Variants in DMRT1 observed in about 807,000 individuals in gnomAD.
DMRT1 encodes the protein doublesex and mab-3 related transcription factor 1, also known as doublesex- and mab-3-related transcription factor 1.
In DMRT1, 7 loss-of-function variants were observed where a neutral mutation model predicts 32.3. That is an observed-to-expected ratio of 0.22 (90% CI 0.12 to 0.41). The LOEUF (loss-of-function observed/expected upper bound fraction) is 0.41. Ranked by LOEUF, DMRT1 falls within the 10% of genes least tolerant of loss-of-function variation. The pLI is 1.00. For missense variants in DMRT1, 625 were observed against 500.5 expected (o/e 1.25, Z -2.37); for synonymous variants, 278 against 206.1 (o/e 1.35, Z -2.99).
chr9:916,722 C>A (rs745444841), intron 3 of DMRT1, 41 bp from the exon 4 acceptor site: 2 of 1,609,742 alleles, frequency 1.2e-6, no homozygotes, highest in East Asian at 2.2e-5. Context: ...TTGTGACATG[C>A]AATGTTGATC....
At chr9:901,619 G>A (rs771604947) in intron 3 of DMRT1, among the ~76,000 whole-genome samples, 33 of 152,052 alleles carry the variant, frequency 2.2e-4, no homozygotes, top group African/African-American at 3.9e-4. Context: ...GAGCCACCGC[G>A]CCCGGCTGCC....
In DMRT1 at chr9:841,715, G is replaced by C; in HGVS notation, c.-124G>C. 1.3e-6 allele frequency: 2 copies of C among 1,539,684 alleles called. No homozygotes were observed. The highest frequency in any genetic ancestry group is 1.7e-6 in the Non-Finnish European group (2 of 1,143,654). On this transcript the variant is annotated 5_prime_UTR_variant, in exon 1 of 5. Transcript: ENST00000382276. ...CCTCGCCACTCCAGCTGCGCCTCCG[G>C]CTGCAGCGCACACGTCTCCTGCGCC...
intron 4 of DMRT1, among the ~76,000 whole-genome samples, chr9:925,217 C>T (rs1013890070): frequency 3.3e-5 from 5 of 152,140 alleles, no homozygotes; most frequent in Non-Finnish European, 7.3e-5. Flanking sequence ...GATGGTTTGT[C>T]ATTTCTTAAA....
At chr9:944,780 A>G (rs979345249) in intron 4 of DMRT1, among the ~76,000 whole-genome samples, 3 of 152,216 alleles carry the variant, frequency 2.0e-5, no homozygotes, top group African/African-American at 7.2e-5. Flanking sequence ...TCAAATGCTT[A>G]TAATAAAAGG....
intron 3 of DMRT1, among the ~76,000 whole-genome samples, chr9:904,989 A>C (rs1266218991): frequency 1.3e-5 from 2 of 151,220 alleles, no homozygotes; most frequent in Non-Finnish European, 2.9e-5. Flanking sequence ...TCCTGTTTCG[A>C]TCAGAGCCCG....
intron 4 of DMRT1, among the ~76,000 whole-genome samples, chr9:953,580 G>A (rs145866058): frequency 2.5e-4 from 38 of 152,312 alleles, no homozygotes; most frequent in African/African-American, 8.2e-4. Flanking sequence ...CATTCTTGAG[G>A]TTTTGGATTC....
At chr9:937,916 A>G (rs1818939958) in intron 4 of DMRT1, among the ~76,000 whole-genome samples, 2 of 151,942 alleles carry the variant, frequency 1.3e-5, no homozygotes, top group African/African-American at 2.4e-5. Flanking sequence ...TTAAGAAACC[A>G]TTGTCAAATC....
intron 2 of DMRT1, among the ~76,000 whole-genome samples, chr9:873,309 C>T (rs1816352992): frequency 7.2e-6 from 1 of 139,790 alleles, no homozygotes; most frequent in African/African-American, 2.6e-5. Flanking sequence ...TTTCTATAAG[C>T]ATTTTTTTTT....
At chr9:908,744 A>G (rs1249822568) in intron 3 of DMRT1, among the ~76,000 whole-genome samples, 5 of 152,042 alleles carry the variant, frequency 3.3e-5, no homozygotes, top group Non-Finnish European at 7.4e-5. Flanking sequence ...TTTGCAACTT[A>G]AAACATCTTA....
chr9:873,245 GC>G (rs1429551683), intron 2 of DMRT1, among the ~76,000 whole-genome samples: 1 of 151,832 alleles, frequency 6.6e-6, no homozygotes, highest in Non-Finnish European at 1.5e-5. Context: ...CAAGTCCTTT[GC>G]CCATTTGTAA....
At chr9:936,105 T>TCTATGAGAAGAAAGTG (rs1818877566) in intron 4 of DMRT1, among the ~76,000 whole-genome samples, 2 of 152,350 alleles carry the variant, frequency 1.3e-5, no homozygotes, top group Non-Finnish European at 2.9e-5. Flanking sequence ...CCCAGTCATT[T>TCTATGAGAAGAAAGTG]CTATGAGAAG....
At chr9:940,560 C>T (rs968907952) in intron 4 of DMRT1, among the ~76,000 whole-genome samples, 2 of 151,956 alleles carry the variant, frequency 1.3e-5, no homozygotes, top group East Asian at 3.9e-4. Flanking sequence ...CAAAATGGAT[C>T]AAAGACCTAA....
intron 2 of DMRT1, among the ~76,000 whole-genome samples, chr9:885,119 G>A (rs1383230982): frequency 2.0e-5 from 3 of 152,224 alleles, no homozygotes; most frequent in Non-Finnish European, 1.5e-5. Flanking sequence ...CAAGCCTCTA[G>A]GGGAGCATAC....
chr9:859,798 A>T (rs1391166106), intron 2 of DMRT1, among the ~76,000 whole-genome samples: 1 of 152,232 alleles, frequency 6.6e-6, no homozygotes, highest in African/African-American at 2.4e-5. Context: ...AATAGCTGGC[A>T]AGTTGTGAAA....
chr9:966,681 T>C (rs559272111), intron 4 of DMRT1, among the ~76,000 whole-genome samples: 2 of 152,332 alleles, frequency 1.3e-5, no homozygotes, highest in Non-Finnish European at 2.9e-5. Flanking sequence ...TATTTCTGTG[T>C]GGTTCCACTA....
chr9:898,254 G>T (rs569241987), intron 3 of DMRT1, among the ~76,000 whole-genome samples: 1 of 151,876 alleles, frequency 6.6e-6, no homozygotes, highest in African/African-American at 2.4e-5. Context: ...CAAGTAGCTG[G>T]GATTACAGGC....
chr9:910,391 A>C (rs60884862), intron 3 of DMRT1, among the ~76,000 whole-genome samples: 5,603 of 152,176 alleles, frequency 0.037, 229 homozygotes, highest in African/African-American at 0.099. Context: ...TGTTTAGTAA[A>C]CAACTAGATG....
chr9:943,265 C>T (rs1368246150), intron 4 of DMRT1, among the ~76,000 whole-genome samples: 1 of 152,234 alleles, frequency 6.6e-6, no homozygotes, highest in Non-Finnish European at 1.5e-5. Context: ...TATTTACCTT[C>T]CCATCGGCCC....
intron 4 of DMRT1, among the ~76,000 whole-genome samples, chr9:933,015 C>T (rs558152947): frequency 2.6e-4 from 39 of 152,028 alleles, no homozygotes; most frequent in African/African-American, 8.4e-4. Flanking sequence ...CGGGTTCAAA[C>T]GATTCTCCTG....
Sources: allele counts gnomAD v4.1 joint callset (sites outside exome capture counted in the v4.1 genomes callset), GRCh38; gene constraint gnomAD v4.1.1; transcripts MANE v1.5; gene names NCBI Gene and HGNC (gene_info 2026-07-23, HGNC 2026-07-21).